Variants in ARHGEF2 observed in about 807,000 individuals in gnomAD.
ARHGEF2 encodes the protein rho guanine nucleotide exchange factor 2.
ARHGEF2 carries 22 observed loss-of-function variants against 121.0 expected under a neutral mutation model. The observed-to-expected ratio is 0.18, with a 90% CI of 0.13 to 0.26. ARHGEF2 has a LOEUF of 0.26. Among genes scored for constraint, ARHGEF2 ranks in the 10% least tolerant of loss-of-function variants. The pLI, the probability that ARHGEF2 is intolerant of heterozygous loss-of-function variation, is 1.00. For synonymous variants in ARHGEF2, 487 were observed against 530.0 expected, an observed-to-expected ratio of 0.92 and a Z score of 1.11; for missense variants, 907 against 1,336.0, an observed-to-expected ratio of 0.68 and a Z score of 5.01.
intron 13 of ARHGEF2, among the ~76,000 whole-genome samples, chr1:155,956,067 G>C (rs568197437): frequency 3.3e-5 from 5 of 152,118 alleles, no homozygotes; most frequent in Non-Finnish European, 7.4e-5. Context: ...CAACAGGACA[G>C]GTTATTTTGA....
chr1:155,966,029 G>A (rs1447059516), intron 4 of ARHGEF2, among the ~76,000 whole-genome samples: 2 of 152,154 alleles, frequency 1.3e-5, no homozygotes, highest in Non-Finnish European at 1.5e-5. Flanking sequence ...AGGGTGACTT[G>A]GGTAATGGCT....
chr1:155,951,752 A>C lies in ARHGEF2; in HGVS notation c.2197T>G (p.Ser733Ala). ...QRDRNGNQLRSPQEEALQRLV... is the reference protein window; with the variant it reads ...QRDRNGNQLRAPQEEALQRLV... ...AATTCCCATCTCACCTCTTGCGGTGATCTCAGCTGATTTCCATTTCGATCC... is the reference window on the plus strand; with the variant it reads ...AATTCCCATCTCACCTCTTGCGGTGCTCTCAGCTGATTTCCATTTCGATCC... The change falls in exon 18 of 22, where the codon TCA (serine) becomes GCA (alanine). Residue 733 changes from serine to alanine, a missense_variant. By Grantham distance (99) the Ser-to-Ala change is moderately conservative. Transcript: ENST00000361247. The surrounding 1 kb of genome is among the most constrained non-coding windows in gnomAD (Gnocchi z 5.1). 1 of 1,614,014 alleles carries C rather than the reference A, an allele frequency of 6.2e-7. No individual in the cohort carries two copies. The highest frequency in any genetic ancestry group is 8.5e-7 in the Non-Finnish European group (1 of 1,180,008).
At chr1:155,978,742 C>A (rs549966233), upstream of ARHGEF2, 6 of 784,858 alleles carry the variant, frequency 7.6e-6, no homozygotes, top group African/African-American at 7.2e-5. The surrounding 1 kb of genome is among the most constrained non-coding windows in gnomAD (Gnocchi z 4.1). Flanking sequence ...GCCTATTTCC[C>A]CTCCAGCGCC....
At chr1:155,954,127 A>AT (rs60911504) in intron 14 of ARHGEF2, among the ~76,000 whole-genome samples, 1,844 of 144,336 alleles carry the variant, frequency 0.013, 88 homozygotes, top group Admixed American at 0.083. Context: ...ATGCCTAGCT[A>AT]TTTTTTTTTT....
At chr1:155,952,869 G>C in intron 14 of ARHGEF2, 41 bp from the exon 15 acceptor site, 1 of 1,605,310 alleles carries the variant, frequency 6.2e-7, no homozygotes, top group Non-Finnish European at 8.5e-7. Flanking sequence ...AGGACGTAGG[G>C]GTATGCAAGA....
intron 7 of ARHGEF2, among the ~76,000 whole-genome samples, chr1:155,964,225 TTA>T (rs1267027343): frequency 7.1e-6 from 1 of 140,182 alleles, no homozygotes; most frequent in East Asian, 2.0e-4. Context: ...TATTTTTTTT[TTA>T]GAGACAGAGG....
In ARHGEF2 at chr1:155,962,098, T is replaced by A; in HGVS notation, c.1219+7A>T. On this transcript the variant is annotated splice_region_variant and intron_variant, in intron 10 of 21. Transcript: ENST00000361247. This position sits in a 1 kb window ranked among gnomAD's most constrained non-coding sequence, Gnocchi z 5.8. ...CCAGTGGCCCTCTCCTGGGCCTGCC[T>A]ACTCACCGTGGGAATGCTGCAGGAT... is the stretch of plus-strand genomic sequence containing the variant. The A allele has an allele frequency of 1.2e-6, 2 of 1,614,006 alleles. No homozygotes were observed. The highest frequency in any genetic ancestry group is 1.7e-6 in the Non-Finnish European group (2 of 1,179,862).
chr1:155,968,992 T>G, intron 2 of ARHGEF2, 164 bp downstream of exon 2: 1 of 771,838 alleles, frequency 1.3e-6, no homozygotes, highest in Non-Finnish European at 2.1e-6. Context: ...CCCCTCAGAG[T>G]GAGGACAGGG....
chr1:155,978,483 TG>T lies in ARHGEF2; in HGVS notation c.-57del. 7.3e-7 allele frequency: 1 copy of T among 1,367,180 alleles called. No homozygotes were observed. Among genetic ancestry groups the T allele is most frequent in the South Asian group, 1.6e-5 (1 of 61,334 alleles). 84.7% of individuals were successfully genotyped at this position (1,367,180 alleles called of 1,614,324 possible). On this transcript the variant is annotated 5_prime_UTR_variant, in exon 1 of 22. Coordinates refer to ENST00000361247, the MANE Select transcript of ARHGEF2 (RefSeq NM_001162383.2). This position sits in a 1 kb window ranked among gnomAD's most constrained non-coding sequence, Gnocchi z 4.1. ...CGCGGACCCCGGCGTCCTGTATTGT[TG>T]GGGGAAGGCGGGGGGAGGGGTTCGG...
At chr1:155,964,792 G>A (rs1379810074) in intron 7 of ARHGEF2, among the ~76,000 whole-genome samples, 196 bp downstream of exon 7, 2 of 151,030 alleles carry the variant, frequency 1.3e-5, no homozygotes, top group African/African-American at 4.9e-5. Flanking sequence ...GGTGGCAGGC[G>A]CCTGTAATGA....
chr1:155,953,719 C>T (rs1675989884), intron 14 of ARHGEF2, among the ~76,000 whole-genome samples: 1 of 148,174 alleles, frequency 6.7e-6, no homozygotes, highest in Admixed American at 6.7e-5. Context: ...TGCACTCCAC[C>T]CTGGGCGACA....
At chr1:155,974,242 G>C (rs1359772553) in intron 1 of ARHGEF2, among the ~76,000 whole-genome samples, 1 of 152,122 alleles carries the variant, frequency 6.6e-6, no homozygotes, top group Non-Finnish European at 1.5e-5. Context: ...TTCTGGGAGA[G>C]TCACAGAGTA....
At position 155,957,848 on chromosome 1, in the gene ARHGEF2, A is replaced by C. The variant is rs368062889; in HGVS notation, c.1580T>G (p.Ile527Ser). The part of the protein sequence containing the change: ...KPSVVSLQNL[I>S]VRDIANQEKG... ...CTCCTGGTTGGCAATGTCTCGTACG[A>C]TTAGATTCTGCAGCGATACCACTGA... The change falls in exon 13 of 22, where the codon ATC becomes AGC. Residue 527 changes from isoleucine to serine, a missense_variant. Around this residue, in one of 2 missense-constraint regions of ARHGEF2, gnomAD observed 475 missense variants for 776.5 expected, o/e 0.61. Coordinates refer to ENST00000361247, the MANE Select transcript of ARHGEF2 (RefSeq NM_001162383.2). The C allele has an allele frequency of 1.2e-6, 2 of 1,614,056 alleles. No individual in the cohort carries two copies. The highest frequency in any genetic ancestry group is 1.7e-6 in the Non-Finnish European group (2 of 1,180,034).
chr1:155,948,151 T>C lies in ARHGEF2; in HGVS notation c.2888-136A>G. 6 of 630,116 alleles carry C rather than the reference T, an allele frequency of 9.5e-6. No individual in the cohort carries two copies. The South Asian group carries it at 1.4e-4, about 14-fold the overall frequency. The allele number at this position is 630,116 out of a possible 1,614,324, so 39.0% of individuals were successfully genotyped here. ...AGGGATGACAGGGTTCTGTAAATTC[T>C]TGGGTGAGAGGAAAACCTTTGGCAA... On this transcript the variant is annotated intron_variant, in intron 21 of 21. Transcript: ENST00000361247.
chr1:155,960,126 G>A (rs1677584092), intron 11 of ARHGEF2, among the ~76,000 whole-genome samples: 1 of 152,058 alleles, frequency 6.6e-6, no homozygotes, highest in African/African-American at 2.4e-5. Context: ...CCAAGACTGA[G>A]GGAGGAAACA....
At chr1:155,977,196 C>A (rs1400898699) in intron 1 of ARHGEF2, among the ~76,000 whole-genome samples, 1 of 152,160 alleles carries the variant, frequency 6.6e-6, no homozygotes, top group Non-Finnish European at 1.5e-5. Context: ...CAACTCTGGG[C>A]TGGGACCTGT....
At position 155,948,793 on chromosome 1, in the gene ARHGEF2, G is replaced by C. The variant is rs115865420; in HGVS notation, c.2888-778C>G. ...TCTAACATAAAAAATTTTAGAGTGA[G>C]ATCCTCTGTCTGGGTCTCCGGGTCT... is the stretch of plus-strand genomic sequence containing the variant. On this transcript the variant is annotated intron_variant, in intron 21 of 21. Transcript: ENST00000361247. 8.0e-3 allele frequency among the ~76,000 whole-genome samples: 1,223 copies of C among 152,238 alleles called. 15 individuals carry two copies. Among genetic ancestry groups the C allele is most frequent in the African/African-American group, 0.028 (1,168 of 41,520 alleles).
chr1:155,976,332 G>A (rs948815441), intron 1 of ARHGEF2, among the ~76,000 whole-genome samples: 7 of 151,690 alleles, frequency 4.6e-5, no homozygotes, highest in Admixed American at 2.6e-4. Context: ...ACAGTTTTCC[G>A]GAGGTGGCCC....
rs780570065 is a variant in ARHGEF2, at chr1:155,965,143, C to T, written c.581-12G>A. ...GTAGATTACCTCTGCTGGACATTAG[C>T]AGGGCAAGCAACTCAGAGGTCTTGA... On this transcript the variant is annotated splice_polypyrimidine_tract_variant and intron_variant, in intron 6 of 21. Coordinates refer to ENST00000361247, the MANE Select transcript of ARHGEF2 (RefSeq NM_001162383.2). The surrounding 1 kb of genome is among the most constrained non-coding windows in gnomAD (Gnocchi z 6.0). 1 of 1,613,722 alleles carries T rather than the reference C, an allele frequency of 6.2e-7. No homozygotes were observed. The highest frequency in any genetic ancestry group is 2.2e-5 in the East Asian group (1 of 44,878).
Sources: allele counts gnomAD v4.1 joint callset (sites outside exome capture counted in the v4.1 genomes callset), GRCh38; gene constraint gnomAD v4.1.1; regional missense constraint gnomAD v4.1.1; non-coding constraint Gnocchi (gnomAD v3.1); transcripts MANE v1.5; gene names NCBI Gene and HGNC (gene_info 2026-07-23, HGNC 2026-07-21).